The following PRKD1 variants were observed in gnomAD, a reference collection of about 807,000 sequenced individuals.
PRKD1 encodes the protein serine/threonine-protein kinase D1.
In PRKD1, 63 loss-of-function variants were observed where a neutral mutation model predicts 95.9. The ratio of observed to expected loss-of-function variants is 0.66; its 90% confidence interval spans 0.54 to 0.81. The LOEUF (loss-of-function observed/expected upper bound fraction) is 0.81, where lower values mean the gene tolerates loss of function less well. PRKD1 is among the 30% of genes least tolerant of loss of function. The probability of loss-of-function intolerance (pLI) is 0.00; values close to 1 mark genes in which losing one functional copy is unlikely to be tolerated. For synonymous variants in PRKD1, 425 were observed against 423.1 expected (o/e 1.00, Z -0.05); for missense variants, 1,048 against 1,165.3 (o/e 0.90, Z 1.47).
chr14:29,750,737 CAT>C (rs1248459967), intron 1 of PRKD1, among the ~76,000 whole-genome samples: 1 of 152,140 alleles, frequency 6.6e-6, no homozygotes, highest in African/African-American at 2.4e-5. Context: ...AGAAAATTCA[CAT>C]AGACAGTGGT....
At chr14:29,782,602 G>A (rs1594514268) in intron 1 of PRKD1, among the ~76,000 whole-genome samples, 3 of 151,918 alleles carry the variant, frequency 2.0e-5, no homozygotes, top group African/African-American at 4.8e-5. Flanking sequence ...GCTATCATGG[G>A]TCACTGCAGC....
chr14:29,580,960 C>A (rs1444012661), intron 16 of PRKD1, among the ~76,000 whole-genome samples: 2 of 151,836 alleles, frequency 1.3e-5, no homozygotes, highest in Non-Finnish European at 2.9e-5. Flanking sequence ...CACATGCATG[C>A]CCCTCCCCAG....
Position 29,597,517 on chromosome 14 carries a change from T to C in PRKD1, c.2408A>G (p.Asn803Ser), listed in dbSNP as rs755157904. 3 of 1,609,076 alleles carry C rather than the reference T, an allele frequency of 1.9e-6. No individual in the cohort carries two copies. Among genetic ancestry groups the C allele is most frequent in the East Asian group, 4.5e-5 (2 of 44,740 alleles). Residue 803 changes from asparagine (N) to serine (S), a missense_variant, in exon 16 of 18, where the codon AAT (asparagine) becomes AGT (serine). Physicochemically the swap from Asn to Ser is conservative, Grantham distance 46. This residue lies in a region of PRKD1 where 739 missense variants were observed against 861.9 expected (regional missense o/e 0.86). Coordinates refer to ENST00000331968, the MANE Select transcript of PRKD1 (RefSeq NM_002742.3). ...TTCATGAGATATTTCCTTCCAGGGATTTGGTGGATACATGAAAGCTGCATT... is the reference window on the plus strand; with the variant it reads ...TTCATGAGATATTTCCTTCCAGGGACTTGGTGGATACATGAAAGCTGCATT... ...IQNAAFMYPP[N>S]PWKEISHEAI... is the part of the protein sequence containing the mutation.
chr14:29,650,708 G>C (rs1256866561), intron 4 of PRKD1, among the ~76,000 whole-genome samples: 1 of 152,184 alleles, frequency 6.6e-6, no homozygotes, highest in Non-Finnish European at 1.5e-5. Context: ...GCTTACAGAA[G>C]CAAGAACTAA....
chr14:29,883,309 T>C (rs1037925237), intron 1 of PRKD1, among the ~76,000 whole-genome samples: 2 of 152,172 alleles, frequency 1.3e-5, no homozygotes, highest in East Asian at 3.8e-4. Context: ...TGGGGACAAA[T>C]ATCCAAACTA....
chr14:29,653,744 T>C (rs1320947265), intron 4 of PRKD1, among the ~76,000 whole-genome samples: 1 of 151,940 alleles, frequency 6.6e-6, no homozygotes, highest in Non-Finnish European at 1.5e-5. Context: ...GGAAAAGACA[T>C]AAAAAACATA....
chr14:29,763,978 A>G (rs767926218), intron 1 of PRKD1, among the ~76,000 whole-genome samples: 4 of 152,216 alleles, frequency 2.6e-5, no homozygotes, highest in Non-Finnish European at 4.4e-5. Context: ...TTTGTAAATT[A>G]GAATTGTCTG....
In PRKD1 at chr14:29,877,162, AAAG is replaced by A. The variant is rs146854242; in HGVS notation, c.264+50084_264+50086del. ...GCAAGACGCAGTCTCAAAGAAAAAA[AAAG>A]AAGAAGAAGAAGTAGGTACACTACA... On this transcript the variant is annotated intron_variant, in intron 1 of 17. Transcript: ENST00000331968. Among the ~76,000 whole-genome samples, 711 of 152,288 alleles carry A rather than the reference AAAG, an allele frequency of 4.7e-3. 8 individuals are homozygous for A. Among genetic ancestry groups the A allele is most frequent in the African/African-American group, 0.016 (645 of 41,550 alleles).
intron 1 of PRKD1, among the ~76,000 whole-genome samples, chr14:29,770,596 T>A (rs981611927): frequency 1.3e-5 from 2 of 152,110 alleles, no homozygotes; most frequent in South Asian, 2.1e-4. Context: ...AAAAATCTGG[T>A]TGAATTGTGT....
At chr14:29,829,741 C>T (rs888671398) in intron 1 of PRKD1, among the ~76,000 whole-genome samples, 2 of 152,184 alleles carry the variant, frequency 1.3e-5, no homozygotes, top group Non-Finnish European at 2.9e-5. Flanking sequence ...ACATTATACA[C>T]ACTTTGAACC....
chr14:29,871,731 G>T (rs1893116083), intron 1 of PRKD1, among the ~76,000 whole-genome samples: 1 of 152,168 alleles, frequency 6.6e-6, no homozygotes, highest in Non-Finnish European at 1.5e-5. Flanking sequence ...GTATGAGTAT[G>T]ATGGTAAGTG....
intron 17 of PRKD1, among the ~76,000 whole-genome samples, chr14:29,578,065 T>C (rs926588906): frequency 6.6e-6 from 1 of 152,122 alleles, no homozygotes; most frequent in Non-Finnish European, 1.5e-5. Context: ...TGCGTGCGTG[T>C]ATCTCTTCTA....
At chr14:29,627,813 T>C (rs1440760983) in intron 11 of PRKD1, among the ~76,000 whole-genome samples, 1 of 152,206 alleles carries the variant, frequency 6.6e-6, no homozygotes, top group Non-Finnish European at 1.5e-5. Flanking sequence ...ATCCTGTGAT[T>C]CTTCAAAGTC....
At chr14:29,596,372 A>G (rs187026198) in intron 16 of PRKD1, among the ~76,000 whole-genome samples, 6 of 152,342 alleles carry the variant, frequency 3.9e-5, no homozygotes, top group Admixed American at 3.3e-4. Context: ...ACGTAGGGCT[A>G]GTACTGAAAA....
At chr14:29,752,352 A>C (rs1029313941) in intron 1 of PRKD1, among the ~76,000 whole-genome samples, 2 of 152,102 alleles carry the variant, frequency 1.3e-5, no homozygotes, top group African/African-American at 4.8e-5. Context: ...CATTTAACAA[A>C]AGGATAATAA....
At chr14:29,795,348 G>A (rs994730976) in intron 1 of PRKD1, among the ~76,000 whole-genome samples, 43 of 151,808 alleles carry the variant, frequency 2.8e-4, no homozygotes, top group African/African-American at 1.0e-3. Flanking sequence ...ATGTCATCCT[G>A]TCATTGAATC....
intron 2 of PRKD1, among the ~76,000 whole-genome samples, chr14:29,673,299 CA>C (rs1217065354): frequency 6.6e-6 from 1 of 152,202 alleles, no homozygotes; most frequent in Non-Finnish European, 1.5e-5. Context: ...CATCTACCTC[CA>C]TACTTAGTTG....
rs138971391 is a variant in PRKD1 at position 29,892,357 on chromosome 14, T to TG, written c.264+34891dup. On this transcript the variant is annotated intron_variant, in intron 1 of 17. Transcript: ENST00000331968. Reference sequence around the variant, plus strand: ...TTTCCAAATATATTAGCCAAATGGTTGAGGAAGTTTCTCTTTGTATCAAGA... The same window carrying TG: ...TTTCCAAATATATTAGCCAAATGGTTGGAGGAAGTTTCTCTTTGTATCAAGA... Among the ~76,000 whole-genome samples, 875 of 151,926 alleles carry TG rather than the reference T, an allele frequency of 5.8e-3. 7 individuals are homozygous for TG. The highest frequency in any genetic ancestry group is 0.02 in the African/African-American group (840 of 41,472).
intron 12 of PRKD1, 49 bp from the exon 13 acceptor site, chr14:29,624,307 T>C (rs755000191): frequency 2.2e-6 from 3 of 1,338,516 alleles, no homozygotes; most frequent in Non-Finnish European, 3.1e-6. Context: ...ATATCATCTA[T>C]CTTAAAGAAC....
Sources: allele counts gnomAD v4.1 joint callset (sites outside exome capture counted in the v4.1 genomes callset), GRCh38; gene constraint gnomAD v4.1.1; regional missense constraint gnomAD v4.1.1; transcripts MANE v1.5; gene names NCBI Gene and HGNC (gene_info 2026-07-23, HGNC 2026-07-21).